The following RNF38 variants were observed in gnomAD, a reference collection of about 807,000 sequenced individuals.
RNF38 encodes the protein ring finger protein 38.
In RNF38, 15 loss-of-function variants were observed where a neutral mutation model predicts 67.2. The observed-to-expected ratio is 0.22, with a 90% CI of 0.15 to 0.34. RNF38 has a LOEUF of 0.34. Ranked by LOEUF, RNF38 falls within the 10% of genes least tolerant of loss-of-function variation. RNF38 has a pLI of 1.00. For missense variants in RNF38, 524 were observed against 639.9 expected (o/e 0.82, Z 1.95); for synonymous variants, 220 against 218.8 (o/e 1.01, Z -0.05).
chr9:36,483,390 A>AAAAAAGAAAAAG (rs374558911), intron 1 of RNF38, among the ~76,000 whole-genome samples: 5,966 of 150,134 alleles, frequency 0.04, 466 homozygotes, highest in African/African-American at 0.14. Flanking sequence ...CTGTCTCAAA[A>AAAAAAGAAAAAG]AAAAAGAAAA....
intron 9 of RNF38, among the ~76,000 whole-genome samples, chr9:36,345,505 T>TA (rs1350947450): frequency 1.3e-5 from 2 of 152,168 alleles, no homozygotes; most frequent in Admixed American, 1.3e-4. Flanking sequence ...TCAGTGCCAG[T>TA]TAACACCCCC....
Position 36,484,455 on chromosome 9 carries a change from A to G in RNF38, n.241+2853T>C, listed in dbSNP as rs114110891. Among the ~76,000 whole-genome samples the G allele has an allele frequency of 8.6e-3, 1,316 of 152,334 alleles. 18 individuals carry two copies. Among genetic ancestry groups the G allele is most frequent in the African/African-American group, 0.03 (1,233 of 41,578 alleles). On this transcript the variant is annotated intron_variant and non_coding_transcript_variant, in intron 1 of 3. Transcript: ENST00000488058. Reference sequence around the variant, plus strand: ...TATAAACAAAATTTTTGTGTGAGAAATATTTCAAACATCTGAAAAATATTT... The same window carrying G: ...TATAAACAAAATTTTTGTGTGAGAAGTATTTCAAACATCTGAAAAATATTT...
At chr9:36,469,110 T>G (rs1322627337) in intron 1 of RNF38, among the ~76,000 whole-genome samples, 1 of 151,988 alleles carries the variant, frequency 6.6e-6, no homozygotes, top group African/African-American at 2.4e-5. Flanking sequence ...AGAGTCCATC[T>G]CAAAAAAGTA....
chr9:36,443,021 C>T (rs995794921), intron 1 of RNF38, among the ~76,000 whole-genome samples: 1 of 152,230 alleles, frequency 6.6e-6, no homozygotes, highest in Non-Finnish European at 1.5e-5. Flanking sequence ...TGTCCCTCCA[C>T]ATGGAAATGT....
At chr9:36,446,995 C>T (rs529234969) in intron 1 of RNF38, among the ~76,000 whole-genome samples, 4 of 150,454 alleles carry the variant, frequency 2.7e-5, no homozygotes, top group East Asian at 1.9e-4. Context: ...GGTGTGGTGG[C>T]GGATGCCTGT....
intron 2 of RNF38, among the ~76,000 whole-genome samples, chr9:36,423,795 A>C (rs1462377813): frequency 2.3e-5 from 2 of 88,704 alleles, no homozygotes; most frequent in Non-Finnish European, 2.7e-5. Flanking sequence ...TAAAAATACA[A>C]AAAATTAGCC....
Position 36,339,313 on chromosome 9 carries a change from G to A in RNF38, c.*439C>T, listed in dbSNP as rs186172975. ...ACAAGTAGTTGCACACACTCACACA[G>A]ATACACTTATCACCAACAGTCATAC... On this transcript the variant is annotated 3_prime_UTR_variant, in exon 12 of 12. Coordinates refer to ENST00000259605, the MANE Select transcript of RNF38 (RefSeq NM_022781.5). The A allele has an allele frequency of 1.2e-5, 2 of 168,400 alleles. No homozygotes were observed. The highest frequency in any genetic ancestry group is 1.1e-4 in the Admixed American group (2 of 17,514). The allele number at this position is 168,400 out of a possible 1,614,324, so 10.4% of individuals were successfully genotyped here. A position where few individuals can be genotyped will look rare whatever the true frequency, so the allele number is the denominator to read the frequency against.
In RNF38 at chr9:36,423,849, T is replaced by C. The variant is rs1420529847; in HGVS notation, n.312+764A>G. Among the ~76,000 whole-genome samples the C allele has an allele frequency of 7.3e-5, 6 of 81,742 alleles. 3 individuals are homozygous for C. Among genetic ancestry groups the C allele is most frequent in the Non-Finnish European group, 1.7e-4 (6 of 36,298 alleles). 53.6% of individuals were successfully genotyped at this position (81,742 alleles called of 152,430 possible). On this transcript the variant is annotated intron_variant and non_coding_transcript_variant, in intron 2 of 3. Transcript: ENST00000488058. Reference sequence around the variant, plus strand: ...CTGTAGTCCCAGCTACTCGGGAGGCTGAGGCAGGAGAATGGCGTGAACCCG... The same window carrying C: ...CTGTAGTCCCAGCTACTCGGGAGGCCGAGGCAGGAGAATGGCGTGAACCCG...
rs1366967744 is a variant in RNF38 at position 36,345,663 on chromosome 9, A to C, written c.1264-710T>G. On this transcript the variant is annotated intron_variant, in intron 9 of 11. Transcript: ENST00000259605. Reference sequence around the variant, plus strand: ...TCATCACACCTAAAATATTAACACTAATTCTTTAACATCAAATGACCAATT... The same window carrying C: ...TCATCACACCTAAAATATTAACACTCATTCTTTAACATCAAATGACCAATT... Among the ~76,000 whole-genome samples the C allele has an allele frequency of 2.0e-5, 3 of 152,178 alleles. No homozygotes were observed. The East Asian group carries it at 5.8e-4, about 29-fold the overall frequency.
At chr9:36,341,872 G>C (rs1231432037) in intron 11 of RNF38, among the ~76,000 whole-genome samples, 1 of 43,058 alleles carries the variant, frequency 2.3e-5, no homozygotes, top group African/African-American at 7.1e-5. Flanking sequence ...ATATAAAGAA[G>C]CCCCTGCAAT....
chr9:36,361,775 A>T (rs920097866), intron 4 of RNF38, among the ~76,000 whole-genome samples: 5 of 152,206 alleles, frequency 3.3e-5, no homozygotes, highest in Admixed American at 3.3e-4. Context: ...AAAAGAAACA[A>T]AAGCTACTTG....
At chr9:36,485,191 TAATA>T (rs1323131893) in intron 1 of RNF38, among the ~76,000 whole-genome samples, 1 of 152,022 alleles carries the variant, frequency 6.6e-6, no homozygotes, top group African/African-American at 2.4e-5. Context: ...AACAAATAAA[TAATA>T]AATAAAAATA....
At chr9:36,412,691 G>C (rs985581461) in intron 2 of RNF38, among the ~76,000 whole-genome samples, 2 of 152,238 alleles carry the variant, frequency 1.3e-5, no homozygotes, top group African/African-American at 4.8e-5. Flanking sequence ...TGTAATCCCA[G>C]CACTTTGGGA....
intron 9 of RNF38, among the ~76,000 whole-genome samples, chr9:36,347,050 G>A (rs1280782593): frequency 1.5e-5 from 2 of 132,500 alleles, no homozygotes; most frequent in Non-Finnish European, 3.1e-5. Flanking sequence ...AACCCGGGAG[G>A]CAGAGGTTGC....
chr9:36,439,400 T>A (rs1839142614), intron 1 of RNF38, among the ~76,000 whole-genome samples: 1 of 152,190 alleles, frequency 6.6e-6, no homozygotes, highest in Non-Finnish European at 1.5e-5. Flanking sequence ...TTTCCTTACC[T>A]TCAAAGAGGT....
intron 1 of RNF38, among the ~76,000 whole-genome samples, chr9:36,443,421 A>C (rs1343599184): frequency 5.9e-5 from 9 of 152,232 alleles, no homozygotes; most frequent in African/African-American, 2.2e-4. Context: ...TGAAAGTTGC[A>C]AGAGTGAGAA....
At chr9:36,479,086 C>T (rs1226718626) in intron 1 of RNF38, among the ~76,000 whole-genome samples, 1 of 152,130 alleles carries the variant, frequency 6.6e-6, no homozygotes, top group African/African-American at 2.4e-5. Context: ...ACGTTCCTGT[C>T]ACTATTAACA....
At chr9:36,418,338 C>A (rs1838528308) in intron 2 of RNF38, among the ~76,000 whole-genome samples, 1 of 151,772 alleles carries the variant, frequency 6.6e-6, no homozygotes, top group Non-Finnish European at 1.5e-5. Flanking sequence ...GCCTGGCCAA[C>A]AATCAATATG....
chr9:36,460,706 G>A (rs1212474256), intron 1 of RNF38, among the ~76,000 whole-genome samples: 2 of 151,890 alleles, frequency 1.3e-5, no homozygotes, highest in South Asian at 2.1e-4. Context: ...TGACCAACGT[G>A]GAGAAACCCC....
Sources: allele counts gnomAD v4.1 joint callset (sites outside exome capture counted in the v4.1 genomes callset), GRCh38; gene constraint gnomAD v4.1.1; transcripts MANE v1.5; gene names NCBI Gene and HGNC (gene_info 2026-07-23, HGNC 2026-07-21).